DTD1: variants seen among roughly 807,000 people sequenced by gnomAD.
The protein encoded by DTD1 is D-aminoacyl-tRNA deacylase 1.
In DTD1, 13 loss-of-function variants were observed where a neutral mutation model predicts 25.6. The observed-to-expected ratio is 0.51, with a 90% confidence interval of 0.33 to 0.81. The LOEUF (loss-of-function observed/expected upper bound fraction) is 0.81, where lower values mean the gene tolerates loss of function less well. Ranked by LOEUF, DTD1 falls within the 30% of genes least tolerant of loss-of-function variation. The pLI is 0.02. For synonymous variants in DTD1, 110 were observed against 103.6 expected, an observed-to-expected ratio of 1.06 and a Z score of -0.37; for missense variants, 193 against 266.4, an observed-to-expected ratio of 0.72 and a Z score of 1.92.
intron 5 of DTD1, among the ~76,000 whole-genome samples, chr20:18,762,071 A>G (rs2061365239): frequency 6.6e-6 from 1 of 152,170 alleles, no homozygotes. Flanking sequence ...TGCCTTTCTC[A>G]TGTGTGCACA....
rs541972405 is a variant in DTD1, at chr20:18,722,448, G to A, written c.478-21652G>A. Among the ~76,000 whole-genome samples the A allele has an allele frequency of 1.8e-4, 28 of 152,358 alleles. No individual in the cohort carries two copies. In the South Asian group the frequency reaches 5.6e-3, roughly 30 times the overall value. The stretch of plus-strand genomic sequence containing the variant: ...AGACTTAAGATGGTTGTGGAGGTGG[G>A]AGGGGAAAGATTTTATGTTCACATT... On this transcript the variant is annotated intron_variant, in intron 4 of 5. Transcript: ENST00000377452.
intron 4 of DTD1, among the ~76,000 whole-genome samples, chr20:18,641,397 A>AT (rs994239771): frequency 3.3e-5 from 5 of 152,064 alleles, no homozygotes; most frequent in African/African-American, 1.2e-4. Flanking sequence ...TCTTTGTTTA[A>AT]TTTTTTGAGG....
chr20:18,661,380 T>TC (rs1370872072), intron 4 of DTD1, among the ~76,000 whole-genome samples: 31 of 149,972 alleles, frequency 2.1e-4, no homozygotes, highest in Non-Finnish European at 3.9e-4. Flanking sequence ...TCTTTTTTTT[T>TC]TTTTTTTTTG....
At position 18,765,805 on chromosome 20, in the gene DTD1, C is replaced by G. The variant is rs2061377269; in HGVS notation, c.*2465C>G. The G allele has an allele frequency of 1.3e-5, 2 of 152,222 alleles. No homozygotes were observed. Among genetic ancestry groups the G allele is most frequent in the Admixed American group, 1.3e-4 (2 of 15,282 alleles). 9.4% of individuals were successfully genotyped at this position (152,222 alleles called of 1,614,324 possible). ...TCTCTCCCAACATCTCTGCCTCCTT[C>G]TTTCTGCTTATTTATAAAGCATACT... On this transcript the variant is annotated 3_prime_UTR_variant, in exon 6 of 6. Transcript: ENST00000377452.
intron 3 of DTD1, among the ~76,000 whole-genome samples, chr20:18,616,553 C>T (rs6045509): frequency 0.14 from 21,944 of 151,738 alleles, 1,705 homozygotes; most frequent in Admixed American, 0.2. Context: ...TTTGGGAGGT[C>T]GAAGCAGGAG....
chr20:18,588,696 C>T, intron 1 of DTD1: 1 of 985,162 alleles, frequency 1.0e-6, no homozygotes, highest in Non-Finnish European at 1.2e-6. Context: ...CAGGACGCCC[C>T]TCGCCCTCGC....
intron 3 of DTD1, among the ~76,000 whole-genome samples, chr20:18,598,233 G>A (rs113817209): frequency 2.0e-5 from 3 of 152,082 alleles, no homozygotes; most frequent in African/African-American, 7.2e-5. Context: ...GTGGCGTTTG[G>A]TTTTCTGTTC....
intron 4 of DTD1, among the ~76,000 whole-genome samples, chr20:18,725,013 C>T (rs966614263): frequency 2.0e-5 from 3 of 152,248 alleles, no homozygotes; most frequent in Non-Finnish European, 4.4e-5. Flanking sequence ...GGAAAGAACC[C>T]TGGTGAGCTG....
At chr20:18,667,415 C>T (rs1427800984) in intron 4 of DTD1, among the ~76,000 whole-genome samples, 1 of 152,142 alleles carries the variant, frequency 6.6e-6, no homozygotes, top group Non-Finnish European at 1.5e-5. Context: ...CGAGCCTTTC[C>T]AGAGCTGAAA....
rs751393743 is a variant in DTD1, at chr20:18,644,005, A to G, written c.477+15772A>G. Among the ~76,000 whole-genome samples the G allele has an allele frequency of 3.3e-5, 5 of 152,238 alleles. No individual in the cohort carries two copies. The South Asian group carries it at 8.3e-4, about 25-fold the overall frequency. On this transcript the variant is annotated intron_variant, in intron 4 of 5. Transcript: ENST00000377452. ...GTTTACATATGCAGCTAGATCATTC[A>G]TTTTAACTGCAAGATGGGATTCTGT... is the stretch of plus-strand genomic sequence containing the variant.
chr20:18,732,032 C>T (rs2061240520), intron 4 of DTD1, among the ~76,000 whole-genome samples: 1 of 152,178 alleles, frequency 6.6e-6, no homozygotes, highest in Admixed American at 6.5e-5. Context: ...AATTTGGTCT[C>T]CACCTTTCTC....
At chr20:18,616,028 T>A (rs2060707568) in intron 3 of DTD1, among the ~76,000 whole-genome samples, 3 of 152,224 alleles carry the variant, frequency 2.0e-5, no homozygotes. Context: ...GGAAGCCTGT[T>A]CTATATACTT....
At chr20:18,589,615 A>C (rs2060581190) in intron 1 of DTD1, among the ~76,000 whole-genome samples, 1 of 152,206 alleles carries the variant, frequency 6.6e-6, no homozygotes, top group Admixed American at 6.5e-5. Context: ...ATTCATGAAA[A>C]CTGGGAAAAT....
At position 18,639,353 on chromosome 20, in the gene DTD1, A is replaced by G. The variant is rs373596718; in HGVS notation, c.477+11120A>G. ...CATGTATATTGAATTTGATTTATGT[A>G]TACTATTGTAGCTAATATTTTCAGG... On this transcript the variant is annotated intron_variant, in intron 4 of 5. Transcript: ENST00000377452. Among the ~76,000 whole-genome samples the G allele has an allele frequency of 3.9e-4, 60 of 152,316 alleles. No individual in the cohort carries two copies. In the South Asian group the frequency reaches 0.011, roughly 28 times the overall value.
chr20:18,757,079 A>G (rs951693921), intron 5 of DTD1, among the ~76,000 whole-genome samples: 10 of 151,578 alleles, frequency 6.6e-5, no homozygotes, highest in South Asian at 2.1e-4. Flanking sequence ...TTTGTCTGTT[A>G]TTGGTGTATA....
intron 4 of DTD1, among the ~76,000 whole-genome samples, chr20:18,665,436 C>T (rs148584695): frequency 2.2e-4 from 34 of 152,328 alleles, no homozygotes; most frequent in South Asian, 1.7e-3. Context: ...GAGTGCCAGC[C>T]GTGGAGTCAG....
chr20:18,734,766 A>T (rs933267815), intron 4 of DTD1, among the ~76,000 whole-genome samples: 21 of 152,250 alleles, frequency 1.4e-4, no homozygotes, highest in Non-Finnish European at 2.2e-4. Flanking sequence ...ACTTGACAAA[A>T]ATCAGAGCAT....
chr20:18,725,876 T>C (rs2061220952), intron 4 of DTD1, among the ~76,000 whole-genome samples: 1 of 152,204 alleles, frequency 6.6e-6, no homozygotes, highest in African/African-American at 2.4e-5. Flanking sequence ...GGTCTTGGTG[T>C]CTGGTGTGAC....
intron 2 of DTD1, among the ~76,000 whole-genome samples, chr20:18,595,412 G>A (rs1199726409): frequency 3.9e-5 from 6 of 152,046 alleles, no homozygotes; most frequent in Admixed American, 1.3e-4. Context: ...GATTAAAGGC[G>A]CCCGCCACCA....
Sources: allele counts gnomAD v4.1 joint callset (sites outside exome capture counted in the v4.1 genomes callset), GRCh38; gene constraint gnomAD v4.1.1; transcripts MANE v1.5; gene names NCBI Gene and HGNC (gene_info 2026-07-23, HGNC 2026-07-21).